SH2D4B: variants seen among roughly 807,000 people sequenced by gnomAD.
SH2D4B encodes SH2 domain containing 4B.
Under a neutral mutation model 61.5 loss-of-function variants are expected in SH2D4B, and 45 were observed. The observed-to-expected ratio is 0.73, with a 90% confidence interval of 0.58 to 0.94. The LOEUF is 0.94. Among genes scored for constraint, SH2D4B ranks in the 40% least tolerant of loss-of-function variants. The pLI is 0.00. For synonymous variants in SH2D4B, 224 were observed against 220.4 expected (o/e 1.02, Z -0.14); for missense variants, 572 against 574.2 (o/e 1.00, Z 0.04).
At chr10:80,587,749 C>A (rs1227513856) in intron 3 of SH2D4B, among the ~76,000 whole-genome samples, 1 of 152,152 alleles carries the variant, frequency 6.6e-6, no homozygotes, top group East Asian at 1.9e-4. Flanking sequence ...CTCCCTGTCT[C>A]CCACTTGCAG....
At chr10:80,598,341 G>C (rs770892042) in intron 4 of SH2D4B, among the ~76,000 whole-genome samples, 23 of 152,188 alleles carry the variant, frequency 1.5e-4, no homozygotes, top group Non-Finnish European at 3.4e-4. Context: ...TCTCATTAGG[G>C]ATGGAGAATG....
At chr10:80,599,039 T>C (rs1842414945) in intron 4 of SH2D4B, among the ~76,000 whole-genome samples, 1 of 152,174 alleles carries the variant, frequency 6.6e-6, no homozygotes, top group Admixed American at 6.6e-5. Context: ...GTTGTCTCAC[T>C]TCTTGCCAGG....
intron 6 of SH2D4B, among the ~76,000 whole-genome samples, chr10:80,613,233 T>C (rs1354075821): frequency 6.6e-6 from 1 of 152,244 alleles, no homozygotes; most frequent in Non-Finnish European, 1.5e-5. Flanking sequence ...TTCATTGTTA[T>C]GTTCCAGGAA....
chr10:80,599,366 T>C (rs557223321), intron 4 of SH2D4B, among the ~76,000 whole-genome samples: 1 of 152,256 alleles, frequency 6.6e-6, no homozygotes, highest in East Asian at 1.9e-4. Context: ...CTTGAAACTC[T>C]CCTTGAACTC....
intron 1 of SH2D4B, chr10:80,540,854 G>A (rs1410068915): frequency 6.4e-7 from 1 of 1,551,410 alleles, no homozygotes. Context: ...CGGGAATTGT[G>A]CGGGGACGGG....
intron 1 of SH2D4B, among the ~76,000 whole-genome samples, chr10:80,564,555 T>C (rs563522453): frequency 5.3e-5 from 8 of 152,206 alleles, no homozygotes; most frequent in Non-Finnish European, 1.2e-4. Context: ...CCTGGGACAA[T>C]GTCCTTGGGC....
At chr10:80,546,864 T>G (rs1841688158) in intron 1 of SH2D4B, among the ~76,000 whole-genome samples, 1 of 152,236 alleles carries the variant, frequency 6.6e-6, no homozygotes, top group Admixed American at 6.5e-5. Flanking sequence ...CATAAATGTA[T>G]TCAAGCTAAT....
chr10:80,551,535 G>GA (rs35793464), intron 1 of SH2D4B, among the ~76,000 whole-genome samples: 19 of 151,274 alleles, frequency 1.3e-4, no homozygotes, highest in Non-Finnish European at 2.2e-4. Context: ...AAAAATGAAG[G>GA]AAAAAAAATG....
At chr10:80,548,851 A>G (rs1039634010) in intron 1 of SH2D4B, among the ~76,000 whole-genome samples, 8 of 152,200 alleles carry the variant, frequency 5.3e-5, no homozygotes, top group Non-Finnish European at 1.2e-4. Context: ...ATGGGGGGTG[A>G]CTTAGGGAGC....
chr10:80,572,939 G>A (rs1401489324), intron 3 of SH2D4B, among the ~76,000 whole-genome samples: 2 of 62,538 alleles, frequency 3.2e-5, no homozygotes, highest in African/African-American at 5.7e-5. Flanking sequence ...TTTCATGTAT[G>A]TTGCAAATAT....
In SH2D4B at chr10:80,603,754, C is replaced by A. The variant is rs1021209733; in HGVS notation, c.819C>A (p.Leu273=). The A allele has an allele frequency of 1.2e-6, 2 of 1,612,790 alleles. No individual in the cohort carries two copies. The highest frequency in any genetic ancestry group is 1.3e-5 in the African/African-American group (1 of 74,940). Residue 273 remains leucine (L), a synonymous_variant, in exon 5 of 8, where the codon CTC becomes CTA. Coordinates refer to ENST00000646907, the MANE Select transcript of SH2D4B (RefSeq NM_001388272.1). ...HEQEARLYHH[L]PDPGLPQPLA... is the part of the protein sequence containing the mutation. ...AGGAGGCAAGACTCTACCACCACCT[C>A]CCCGACCCGGGTCTGCCGCAGCCCC...
Position 80,644,050 on chromosome 10 carries a change from G to A in SH2D4B, c.1267G>A (p.Asp423Asn). 6.2e-7 allele frequency: 1 copy of A among 1,613,906 alleles called. No individual in the cohort carries two copies. ...ELLQEPCGQRDSPPDYHLLFE is the reference protein window; with the variant it reads ...ELLQEPCGQRNSPPDYHLLFE ...ACTTCAGGAACCCTGCGGACAGAGG[G>A]ACAGCCCACCAGACTACCATCTGTT... is the stretch of plus-strand genomic sequence containing the variant. The change falls in exon 8 of 8, where the codon GAC (aspartate) becomes AAC (asparagine). Residue 423 changes from aspartate (D) to asparagine (N), a missense_variant. Physicochemically the swap from Asp to Asn is conservative, Grantham distance 23. Coordinates refer to ENST00000646907, the MANE Select transcript of SH2D4B (RefSeq NM_001388272.1).
chr10:80,587,551 T>C (rs1842274378), intron 3 of SH2D4B, among the ~76,000 whole-genome samples: 1 of 152,162 alleles, frequency 6.6e-6, no homozygotes, highest in South Asian at 2.1e-4. Flanking sequence ...AGTGCTGGGA[T>C]TACACGCGTG....
intron 5 of SH2D4B, among the ~76,000 whole-genome samples, chr10:80,608,868 C>T (rs1210149868): frequency 6.6e-6 from 1 of 152,180 alleles, no homozygotes; most frequent in Non-Finnish European, 1.5e-5. Context: ...CCTGGTTCTG[C>T]CTTACAAAAG....
intron 1 of SH2D4B, among the ~76,000 whole-genome samples, chr10:80,541,921 C>G (rs1384418414): frequency 6.6e-6 from 1 of 152,200 alleles, no homozygotes; most frequent in Non-Finnish European, 1.5e-5. Flanking sequence ...CATCACTCCT[C>G]TGAGCACATG....
At position 80,634,265 on chromosome 10, in the gene SH2D4B, T is replaced by G; in HGVS notation, c.989-20T>G. 6.7e-7 allele frequency: 1 copy of G among 1,494,832 alleles called. No homozygotes were observed. The allele number at this position is 1,494,832 out of a possible 1,614,324, so 92.6% of individuals were successfully genotyped here. On this transcript the variant is annotated intron_variant, in intron 6 of 7. Coordinates refer to ENST00000646907, the MANE Select transcript of SH2D4B (RefSeq NM_001388272.1). ...CGCAGAACCTGCTGTGTTTTTTTGT[T>G]TTTTTCTATTTTAAATCAGGAATTA... is the stretch of plus-strand genomic sequence containing the variant.
At chr10:80,586,295 G>C (rs12767460) in intron 3 of SH2D4B, among the ~76,000 whole-genome samples, 1 of 152,030 alleles carries the variant, frequency 6.6e-6, no homozygotes, top group Non-Finnish European at 1.5e-5. Flanking sequence ...CTCCACCTGC[G>C]GCCCTGGTGC....
At chr10:80,541,735 GC>G (rs1841582449) in intron 1 of SH2D4B, among the ~76,000 whole-genome samples, 1 of 152,198 alleles carries the variant, frequency 6.6e-6, no homozygotes, top group Admixed American at 6.5e-5. Flanking sequence ...CCGGAGTTGT[GC>G]CTGGTGAGGG....
intron 1 of SH2D4B, among the ~76,000 whole-genome samples, chr10:80,564,094 T>C (rs1469569182): frequency 2.0e-5 from 3 of 152,240 alleles, no homozygotes; most frequent in Admixed American, 6.5e-5. Context: ...ATTTGGTGTT[T>C]TGATTTTTAA....
Sources: allele counts gnomAD v4.1 joint callset (sites outside exome capture counted in the v4.1 genomes callset), GRCh38; gene constraint gnomAD v4.1.1; transcripts MANE v1.5; gene names NCBI Gene and HGNC (gene_info 2026-07-23, HGNC 2026-07-21).